Variants in LYPD6 observed in about 807,000 individuals in gnomAD.
The protein encoded by LYPD6 is ly6/PLAUR domain-containing protein 6.
In LYPD6, 15 loss-of-function variants were observed where a neutral mutation model predicts 22.7. The ratio of observed to expected loss-of-function variants is 0.66; its 90% confidence interval spans 0.44 to 1.02. LYPD6 has a LOEUF of 1.02. LYPD6 is among the 50% of genes least tolerant of loss of function. The pLI is 0.00. For synonymous variants in LYPD6, 72 were observed against 77.5 expected (o/e 0.93, Z 0.37); for missense variants, 189 against 208.4 (o/e 0.91, Z 0.57).
At chr2:149,482,051 C>A in the LYPD6 span, among the ~76,000 whole-genome samples, 1 of 151,976 alleles carries the variant, frequency 6.6e-6, no homozygotes, top group Non-Finnish European at 1.5e-5. Flanking sequence ...GGAATCCTAC[C>A]CCCAGAGATG....
At chr2:149,350,520 A>G (rs1198450477) in intron 1 of LYPD6, among the ~76,000 whole-genome samples, 1 of 152,144 alleles carries the variant, frequency 6.6e-6, no homozygotes, top group Non-Finnish European at 1.5e-5. Flanking sequence ...GAGAGTAGTA[A>G]GCAGTTAGTG....
In LYPD6 at chr2:149,337,544, C is replaced by T. The variant is rs541769545; in HGVS notation, c.-72+6822C>T. Among the ~76,000 whole-genome samples, 8 of 152,128 alleles carry T rather than the reference C, an allele frequency of 5.3e-5. No homozygotes were observed. The East Asian group carries it at 1.4e-3, about 26-fold the overall frequency. The stretch of plus-strand genomic sequence containing the variant: ...CTTTCCTTGGCTCTGGATTTTGTCT[C>T]TCTTTCAGCCTTTGGCTTGGGTTCA... On this transcript the variant is annotated intron_variant, in intron 1 of 4. Coordinates refer to ENST00000334166, the MANE Select transcript of LYPD6 (RefSeq NM_194317.5).
intron 2 of LYPD6, among the ~76,000 whole-genome samples, chr2:149,440,821 C>T (rs529704012): frequency 2.6e-4 from 40 of 151,082 alleles, no homozygotes; most frequent in African/African-American, 9.0e-4. Flanking sequence ...CTGCCTCAGC[C>T]TCCCGAGAAG....
At chr2:149,448,721 G>T (rs572011612) in intron 2 of LYPD6, among the ~76,000 whole-genome samples, 1 of 152,270 alleles carries the variant, frequency 6.6e-6, no homozygotes, top group African/African-American at 2.4e-5. Context: ...CCTTTTTATT[G>T]CTGACTAATG....
In LYPD6 at chr2:149,434,067, G is replaced by A. The variant is rs535030178; in HGVS notation, c.-71-3571G>A. ...TGTGCCATGGTGGTTTGCTGCACCT[G>A]TCAGCCCGTCATCTATGTTAGGCAC... On this transcript the variant is annotated intron_variant, in intron 1 of 4. Transcript: ENST00000334166. 1.4e-4 allele frequency among the ~76,000 whole-genome samples: 21 copies of A among 152,138 alleles called. No homozygotes were observed. In the South Asian group the frequency reaches 4.4e-3, roughly 32 times the overall value.
At chr2:149,340,688 G>T (rs1428813842) in intron 1 of LYPD6, among the ~76,000 whole-genome samples, 1 of 152,166 alleles carries the variant, frequency 6.6e-6, no homozygotes, top group East Asian at 1.9e-4. Flanking sequence ...TCCCAGATGT[G>T]TAGGAACCAA....
At chr2:149,348,666 A>G (rs1423575318) in intron 1 of LYPD6, among the ~76,000 whole-genome samples, 1 of 152,374 alleles carries the variant, frequency 6.6e-6, no homozygotes, top group Non-Finnish European at 1.5e-5. Flanking sequence ...AGGTTATCAC[A>G]CTATGTTGAT....
chr2:149,371,377 T>C (rs1232717474), intron 1 of LYPD6, among the ~76,000 whole-genome samples: 1 of 152,218 alleles, frequency 6.6e-6, no homozygotes, highest in African/African-American at 2.4e-5. Flanking sequence ...ATTACTAGCA[T>C]GGGATTCAAG....
the LYPD6 span, among the ~76,000 whole-genome samples, chr2:149,485,985 A>G: frequency 6.6e-6 from 1 of 152,290 alleles, no homozygotes; most frequent in Non-Finnish European, 1.5e-5. Context: ...CATTCATCCT[A>G]ATAGTTTGTA....
chr2:149,350,215 T>G (rs1424576817), intron 1 of LYPD6, among the ~76,000 whole-genome samples: 1 of 152,224 alleles, frequency 6.6e-6, no homozygotes, highest in Non-Finnish European at 1.5e-5. Context: ...TCCCCACTTT[T>G]TCCTAGAATC....
intron 1 of LYPD6, among the ~76,000 whole-genome samples, chr2:149,374,507 A>G (rs947845833): frequency 6.6e-6 from 1 of 152,208 alleles, no homozygotes; most frequent in Admixed American, 6.5e-5. Flanking sequence ...CCCAGCAAGT[A>G]GTAGGTGCCC....
intron 1 of LYPD6, among the ~76,000 whole-genome samples, chr2:149,377,279 A>G (rs1444160719): frequency 2.7e-5 from 4 of 150,442 alleles, no homozygotes; most frequent in African/African-American, 9.8e-5. Context: ...CAAGGAGACT[A>G]TGCAGGAATC....
chr2:149,424,214 A>G (rs1683143770), intron 1 of LYPD6, among the ~76,000 whole-genome samples: 2 of 152,224 alleles, frequency 1.3e-5, no homozygotes, highest in South Asian at 4.1e-4. Context: ...TCGCTATCAG[A>G]GACCTCCTGT....
chr2:149,366,778 A>G (rs990434471), intron 1 of LYPD6, among the ~76,000 whole-genome samples: 1 of 152,236 alleles, frequency 6.6e-6, no homozygotes. Flanking sequence ...GCTAACACAC[A>G]TCTAGCAAAT....
chr2:149,343,600 T>G (rs1294516131), intron 1 of LYPD6, among the ~76,000 whole-genome samples: 1 of 152,270 alleles, frequency 6.6e-6, no homozygotes, highest in African/African-American at 2.4e-5. Flanking sequence ...AAGTGAAAGC[T>G]GGGGGAATAT....
intron 2 of LYPD6, among the ~76,000 whole-genome samples, chr2:149,444,213 G>A (rs62190601): frequency 0.27 from 40,698 of 151,964 alleles, 6,569 homozygotes; most frequent in African/African-American, 0.46. Context: ...AGATTACATC[G>A]TTGGCCACCA....
chr2:149,441,835 C>A (rs1252785937), intron 2 of LYPD6, among the ~76,000 whole-genome samples: 1 of 152,190 alleles, frequency 6.6e-6, no homozygotes, highest in African/African-American at 2.4e-5. Context: ...GCCTCCATTT[C>A]TTTCCTTAGA....
chr2:149,374,114 G>A (rs1681866900), intron 1 of LYPD6, among the ~76,000 whole-genome samples: 1 of 152,152 alleles, frequency 6.6e-6, no homozygotes, highest in African/African-American at 2.4e-5. Flanking sequence ...AAGTATCCTT[G>A]GAGGCTAAAT....
intron 1 of LYPD6, among the ~76,000 whole-genome samples, chr2:149,393,570 C>T (rs1217522574): frequency 6.6e-6 from 1 of 152,212 alleles, no homozygotes; most frequent in Admixed American, 6.5e-5. Flanking sequence ...ACAGGGCAGC[C>T]TCACCAAGAT....
Sources: gnomAD v4.1 joint callset for allele counts (sites outside exome capture counted in the v4.1 genomes callset) on GRCh38, gnomAD v4.1.1 for gene constraint, MANE v1.5 for transcripts, NCBI Gene and HGNC (gene_info 2026-07-23, HGNC 2026-07-21) for gene names.